ADGRL2: variants seen among roughly 807,000 people sequenced by gnomAD.
The protein encoded by ADGRL2 is adhesion G protein-coupled receptor L2.
Under a neutral mutation model 157.4 loss-of-function variants are expected in ADGRL2, and 44 were observed. That is an observed-to-expected ratio of 0.28 (90% CI 0.22 to 0.36). The LOEUF (loss-of-function observed/expected upper bound fraction) is 0.36, where lower values mean the gene tolerates loss of function less well. ADGRL2 is among the 10% of genes least tolerant of loss of function. The pLI is 1.00. For missense variants in ADGRL2, 1,510 were observed against 1,768.9 expected (o/e 0.85, Z 2.63); for synonymous variants, 585 against 624.7 (o/e 0.94, Z 0.95).
In ADGRL2 at chr1:81,408,806, G is replaced by T. The variant is rs553541994; in HGVS notation, c.-301-36230G>T. Among the ~76,000 whole-genome samples the T allele has an allele frequency of 1.2e-4, 19 of 152,288 alleles. No homozygotes were observed. The South Asian group carries it at 2.3e-3, about 18-fold the overall frequency. ...TAAAGAAAACCATAATGCATGGTTT[G>T]GGATCCTAAATTATAGCTGGATTTT... On this transcript the variant is annotated intron_variant, in intron 1 of 24. Transcript: ENST00000370721.
intron 3 of ADGRL2, among the ~76,000 whole-genome samples, chr1:81,643,672 C>T (rs2082262822): frequency 6.6e-6 from 1 of 152,068 alleles, no homozygotes; most frequent in African/African-American, 2.4e-5. Flanking sequence ...AAATTAAATA[C>T]ATAGGTGTAA....
At chr1:81,542,344 G>T (rs1482779009) in intron 2 of ADGRL2, among the ~76,000 whole-genome samples, 2 of 152,276 alleles carry the variant, frequency 1.3e-5, no homozygotes, top group East Asian at 1.9e-4. Context: ...TGCAGGAGTA[G>T]GGAATGGTAA....
At chr1:81,924,448 T>C (rs1022139885) in intron 3 of ADGRL2, among the ~76,000 whole-genome samples, 1 of 152,128 alleles carries the variant, frequency 6.6e-6, no homozygotes, top group Non-Finnish European at 1.5e-5. Flanking sequence ...ATAGAAAAGG[T>C]TGCCTCTGTT....
chr1:81,949,219 C>T (rs1162285610), intron 6 of ADGRL2, among the ~76,000 whole-genome samples: 1 of 152,046 alleles, frequency 6.6e-6, no homozygotes, highest in Non-Finnish European at 1.5e-5. Flanking sequence ...CGTGTGATTT[C>T]CTCCAACAGT....
chr1:81,817,558 C>A (rs1199667221), intron 1 of ADGRL2, among the ~76,000 whole-genome samples: 1 of 151,898 alleles, frequency 6.6e-6, no homozygotes, highest in Non-Finnish European at 1.5e-5. Context: ...AAATATAGTA[C>A]AAATATCTAA....
intron 1 of ADGRL2, among the ~76,000 whole-genome samples, chr1:81,421,164 T>C (rs3934566): frequency 0.19 from 29,363 of 152,142 alleles, 2,941 homozygotes; most frequent in African/African-American, 0.24. Context: ...CTCATTTTTT[T>C]CTCCTATTAC....
chr1:81,620,669 T>G (rs2081770387), intron 3 of ADGRL2, among the ~76,000 whole-genome samples: 1 of 152,192 alleles, frequency 6.6e-6, no homozygotes, highest in African/African-American at 2.4e-5. Flanking sequence ...CCCAACAATC[T>G]GCTTTAGAAT....
intron 1 of ADGRL2, among the ~76,000 whole-genome samples, chr1:81,740,083 T>C (rs2085024704): frequency 6.6e-6 from 1 of 152,296 alleles, no homozygotes; most frequent in African/African-American, 2.4e-5. Context: ...CAAAGGAAGA[T>C]GAGGGTTGGC....
Position 81,817,797 on chromosome 1 carries a change from AC to A in ADGRL2, c.-101+16731del, listed in dbSNP as rs1049359959. Among the ~76,000 whole-genome samples the A allele has an allele frequency of 2.0e-4, 31 of 152,160 alleles. 1 individual carries two copies. The highest frequency in any genetic ancestry group is 7.2e-4 in the Admixed American group (11 of 15,250). ...GCCAAGCCAGAATGATTCAATTTTT[AC>A]CGTTATCTACCTCTCACTCCTAGTT... is the stretch of plus-strand genomic sequence containing the variant. On this transcript the variant is annotated intron_variant, in intron 1 of 23. Coordinates refer to ENST00000686636, the MANE Select transcript of ADGRL2 (RefSeq NM_001366006.2).
chr1:81,439,703 T>C (rs1025214091), intron 1 of ADGRL2, among the ~76,000 whole-genome samples: 1 of 152,226 alleles, frequency 6.6e-6, no homozygotes. Flanking sequence ...TTTACAGTGC[T>C]CCTTTAGTTG....
At chr1:81,519,647 T>C (rs2079264694) in intron 2 of ADGRL2, among the ~76,000 whole-genome samples, 1 of 152,184 alleles carries the variant, frequency 6.6e-6, no homozygotes, top group African/African-American at 2.4e-5. Flanking sequence ...TGCAATGCAT[T>C]TTACTATCTC....
chr1:81,660,184 C>A (rs1222476418), intron 3 of ADGRL2, among the ~76,000 whole-genome samples: 1 of 152,088 alleles, frequency 6.6e-6, no homozygotes, highest in Non-Finnish European at 1.5e-5. Flanking sequence ...ACCCAGAGGT[C>A]TAAGGGGATA....
chr1:81,812,055 C>CA (rs1491296248), intron 1 of ADGRL2, among the ~76,000 whole-genome samples: 2 of 151,702 alleles, frequency 1.3e-5, no homozygotes, highest in African/African-American at 4.8e-5. Context: ...CATGTTGAAC[C>CA]ACAGATTTTC....
intron 2 of ADGRL2, among the ~76,000 whole-genome samples, chr1:81,846,123 A>G (rs994303434): frequency 6.6e-5 from 10 of 151,962 alleles, no homozygotes; most frequent in African/African-American, 2.4e-4. Context: ...AACCAGTAAG[A>G]ATTAAATTTT....
In ADGRL2 at chr1:81,434,564, C is replaced by A. The variant is rs1186025651; in HGVS notation, c.-301-10472C>A. On this transcript the variant is annotated intron_variant, in intron 1 of 24. Transcript: ENST00000370721. ...GTGAACTAGTGAATAAGTGAATGAA[C>A]CCAGTGAATACAAAACTGTAGGAAA... Among the ~76,000 whole-genome samples, 4 of 152,056 alleles carry A rather than the reference C, an allele frequency of 2.6e-5. No homozygotes were observed. In the East Asian group the frequency reaches 7.7e-4, roughly 29 times the overall value.
intron 1 of ADGRL2, among the ~76,000 whole-genome samples, chr1:81,706,491 G>C (rs184491831): frequency 7.8e-4 from 119 of 152,312 alleles, no homozygotes; most frequent in African/African-American, 2.8e-3. Context: ...TTCCAGAGAA[G>C]AGCAGTGTGC....
intron 2 of ADGRL2, among the ~76,000 whole-genome samples, chr1:81,858,325 T>C (rs1289774927): frequency 6.6e-6 from 1 of 152,184 alleles, no homozygotes; most frequent in African/African-American, 2.4e-5. Flanking sequence ...AGTACTACTA[T>C]TCCTTGATTT....
chr1:81,459,812 G>GTATATA (rs71085362), intron 2 of ADGRL2, among the ~76,000 whole-genome samples: 12 of 144,668 alleles, frequency 8.3e-5, no homozygotes, highest in Non-Finnish European at 1.2e-4. Flanking sequence ...GTATGTGTTT[G>GTATATA]TATATATATA....
chr1:81,925,944 T>A (rs1557926400), intron 3 of ADGRL2, among the ~76,000 whole-genome samples: 1 of 152,030 alleles, frequency 6.6e-6, no homozygotes, highest in Non-Finnish European at 1.5e-5. Context: ...AAGGGCGTAA[T>A]CTTTAAGGTG....
Sources: allele counts gnomAD v4.1 joint callset (sites outside exome capture counted in the v4.1 genomes callset), GRCh38; gene constraint gnomAD v4.1.1; transcripts MANE v1.5; gene names NCBI Gene and HGNC (gene_info 2026-07-23, HGNC 2026-07-21).